Variants in FBXL2 observed in about 807,000 individuals in gnomAD.
FBXL2 encodes F-box and leucine rich repeat protein 2.
FBXL2 carries 38 observed loss-of-function variants against 69.2 expected under a neutral mutation model. That is an observed-to-expected ratio of 0.55 (90% confidence interval 0.42 to 0.72). The LOEUF (loss-of-function observed/expected upper bound fraction) is 0.72, where lower values mean the gene tolerates loss of function less well. Ranked by LOEUF, FBXL2 falls within the 30% of genes least tolerant of loss-of-function variation. FBXL2 has a pLI of 0.00. For synonymous variants in FBXL2, 192 were observed against 201.3 expected (o/e 0.95, Z 0.39); for missense variants, 354 against 520.3 (o/e 0.68, Z 3.11).
rs374927297 is a variant in FBXL2 at position 33,366,529 on chromosome 3, T to C, written c.290+1810T>C. 5.6e-4 allele frequency among the ~76,000 whole-genome samples: 85 copies of C among 152,176 alleles called. 1 individual carries two copies. The highest frequency in any genetic ancestry group is 1.9e-3 in the African/African-American group (80 of 41,500). On this transcript the variant is annotated intron_variant, in intron 5 of 14. Transcript: ENST00000484457. Reference sequence around the variant, plus strand: ...AAAAAAATTAAGTAGCTGGGTGTGGTGGTGCATACCTGTAGTCCTAGCTAT... The same window carrying C: ...AAAAAAATTAAGTAGCTGGGTGTGGCGGTGCATACCTGTAGTCCTAGCTAT...
At chr3:33,349,448 A>G (rs1399033979) in intron 2 of FBXL2, among the ~76,000 whole-genome samples, 1 of 152,190 alleles carries the variant, frequency 6.6e-6, no homozygotes, top group African/African-American at 2.4e-5. Context: ...TCCCTGGGAT[A>G]ACTCTCACGT....
At chr3:33,326,291 G>C (rs1413373787) in intron 2 of FBXL2, among the ~76,000 whole-genome samples, 1 of 152,044 alleles carries the variant, frequency 6.6e-6, no homozygotes, top group Non-Finnish European at 1.5e-5. Flanking sequence ...ACAAGGTCAG[G>C]AGATTGAGAC....
chr3:33,375,206 C>A, intron 9 of FBXL2, 82 bp from the exon 10 acceptor site: 1 of 1,548,562 alleles, frequency 6.5e-7, no homozygotes, highest in Non-Finnish European at 8.8e-7. Context: ...CAAAACTGAA[C>A]AACAGCAGAT....
At chr3:33,328,991 A>T (rs1413303739) in intron 2 of FBXL2, among the ~76,000 whole-genome samples, 2 of 152,178 alleles carry the variant, frequency 1.3e-5, no homozygotes, top group East Asian at 3.8e-4. Flanking sequence ...CTGACAAGAG[A>T]TTAGTTGCCA....
the FBXL2 span, chr3:33,414,020 A>C: frequency 6.6e-6 from 1 of 152,234 alleles, no homozygotes; most frequent in South Asian, 2.1e-4. Flanking sequence ...TATTCAGATG[A>C]AAACAGTATT....
chr3:33,289,868 T>A, intron 1 of FBXL2: 3 of 836,926 alleles, frequency 3.6e-6, no homozygotes, highest in Non-Finnish European at 4.3e-6. Context: ...CACCAGGGGG[T>A]TTATGAAATC....
At chr3:33,348,921 C>A (rs2154035205) in intron 2 of FBXL2, among the ~76,000 whole-genome samples, 1 of 152,182 alleles carries the variant, frequency 6.6e-6, no homozygotes, top group Admixed American at 6.5e-5. Flanking sequence ...ATATTCTTCA[C>A]TGTTGACATA....
the FBXL2 span, chr3:33,409,545 C>G: frequency 6.2e-7 from 1 of 1,614,180 alleles, no homozygotes; most frequent in East Asian, 2.2e-5. Context: ...TCCTAAAGGG[C>G]ACTCCCTTTT....
the FBXL2 span, chr3:33,409,383 G>A: frequency 3.1e-6 from 5 of 1,613,676 alleles, no homozygotes; most frequent in Non-Finnish European, 4.2e-6. Flanking sequence ...CTATCAGGCT[G>A]CAGACACACA....
At chr3:33,329,281 A>C (rs953444086) in intron 2 of FBXL2, among the ~76,000 whole-genome samples, 23 of 152,268 alleles carry the variant, frequency 1.5e-4, no homozygotes, top group Admixed American at 9.8e-4. Flanking sequence ...GCTGACAAAG[A>C]TGTAGAGAAA....
chr3:33,369,989 A>T (rs2154046624), intron 5 of FBXL2, among the ~76,000 whole-genome samples: 1 of 152,318 alleles, frequency 6.6e-6, no homozygotes. Flanking sequence ...TTCTGTAGAC[A>T]CATATTTTTA....
Position 33,388,003 on chromosome 3 carries a change from G to A in FBXL2, c.*2395G>A, listed in dbSNP as rs1251201408. 1 of 149,124 alleles carries A rather than the reference G, an allele frequency of 6.7e-6. No individual in the cohort carries two copies. Among genetic ancestry groups the A allele is most frequent in the Non-Finnish European group, 1.5e-5 (1 of 67,678 alleles). The allele number at this position is 149,124 out of a possible 1,614,324, so 9.2% of individuals were successfully genotyped here. ...AAGAATGGCGTGAACCCGGGAGGCAGAGCTTGCAGTGAGCCGAGATTGCGC... is the reference window on the plus strand; with the variant it reads ...AAGAATGGCGTGAACCCGGGAGGCAAAGCTTGCAGTGAGCCGAGATTGCGC... On this transcript the variant is annotated 3_prime_UTR_variant, in exon 15 of 15. Transcript: ENST00000484457.
intron 2 of FBXL2, among the ~76,000 whole-genome samples, chr3:33,310,989 CTGGT>C (rs2037141883): frequency 6.6e-6 from 1 of 152,202 alleles, no homozygotes; most frequent in Admixed American, 6.5e-5. Flanking sequence ...GATGGCTAGG[CTGGT>C]CATGAACTCC....
rs751312323 is a variant in FBXL2, at chr3:33,378,112, G to A, written c.859G>A (p.Glu287Lys). Residue 287 changes from glutamate (E) to lysine (K), a missense_variant, in exon 12 of 15, where the codon GAA (glutamate) becomes AAA (lysine). Physicochemically the swap from Glu to Lys is moderately conservative, Grantham distance 56. Coordinates refer to ENST00000484457, the MANE Select transcript of FBXL2 (RefSeq NM_012157.5). ...GFTLLARNCH[E>K]LEKMDLEECI... is the part of the protein sequence containing the mutation. Reference sequence around the variant, plus strand: ...TTGTGGACTCTTCCAGAATTGCCACGAATTGGAGAAGATGGATCTTGAAGA... The same window carrying A: ...TTGTGGACTCTTCCAGAATTGCCACAAATTGGAGAAGATGGATCTTGAAGA... The A allele has an allele frequency of 1.4e-5, 22 of 1,614,064 alleles. No individual in the cohort carries two copies. The highest frequency in any genetic ancestry group is 1.5e-5 in the Non-Finnish European group (18 of 1,180,028).
In FBXL2 at chr3:33,280,011, A is replaced by T. The variant is rs191623865; in HGVS notation, c.3+2496A>T. ...ATGTTTCCTCATATATATGTTAGGA[A>T]ATTAGTTTTCTTTCTTATTAGGACT... On this transcript the variant is annotated intron_variant, in intron 1 of 14. Coordinates refer to ENST00000484457, the MANE Select transcript of FBXL2 (RefSeq NM_012157.5). Among the ~76,000 whole-genome samples the T allele has an allele frequency of 3.0e-3, 455 of 152,284 alleles. 7 individuals carry two copies. Among genetic ancestry groups the T allele is most frequent in the Admixed American group, 1.3e-3 (20 of 15,278 alleles).
chr3:33,319,540 G>C (rs1559535190), intron 2 of FBXL2, among the ~76,000 whole-genome samples: 2 of 152,062 alleles, frequency 1.3e-5, no homozygotes, highest in African/African-American at 4.8e-5. Flanking sequence ...TTACTTCGAT[G>C]AGCAATATCA....
chr3:33,354,319 G>A (rs1457747812), intron 2 of FBXL2, among the ~76,000 whole-genome samples: 1 of 152,034 alleles, frequency 6.6e-6, no homozygotes, highest in East Asian at 1.9e-4. Flanking sequence ...TTCGAGACCA[G>A]CCTGACCAAT....
At chr3:33,374,038 G>A (rs1268888450) in intron 9 of FBXL2, 117 bp downstream of exon 9, 9 of 857,240 alleles carry the variant, frequency 1.0e-5, no homozygotes, top group Admixed American at 2.0e-5. Flanking sequence ...GCCACACCCT[G>A]ATTTCCATCC....
At chr3:33,302,613 G>A (rs958697652) in intron 2 of FBXL2, among the ~76,000 whole-genome samples, 1 of 152,138 alleles carries the variant, frequency 6.6e-6, no homozygotes, top group Admixed American at 6.5e-5. Flanking sequence ...AGGAGACAAA[G>A]CTCTAGTTAG....
Sources: gnomAD v4.1 joint callset for allele counts (sites outside exome capture counted in the v4.1 genomes callset) on GRCh38, gnomAD v4.1.1 for gene constraint, MANE v1.5 for transcripts, NCBI Gene and HGNC (gene_info 2026-07-23, HGNC 2026-07-21) for gene names.